The following SIL1 variants were observed in gnomAD, a reference collection of about 807,000 sequenced individuals.
SIL1 encodes the protein nucleotide exchange factor SIL1.
SIL1 carries 40 observed loss-of-function variants against 49.1 expected under a neutral mutation model. That is an observed-to-expected ratio of 0.81 (90% confidence interval 0.63 to 1.06). The LOEUF (loss-of-function observed/expected upper bound fraction) is 1.06. Among genes scored for constraint, SIL1 ranks in the 50% least tolerant of loss-of-function variants. The pLI, the probability that SIL1 is intolerant of heterozygous loss-of-function variation, is 0.00. For synonymous variants in SIL1, 253 were observed against 250.8 expected (o/e 1.01, Z -0.08); for missense variants, 500 against 572.6 (o/e 0.87, Z 1.29).
intron 1 of SIL1, among the ~76,000 whole-genome samples, chr5:139,147,515 T>C (rs760838242): frequency 6.6e-5 from 10 of 152,202 alleles, no homozygotes; most frequent in Admixed American, 1.3e-4. Flanking sequence ...CCAACCCTGA[T>C]TGGCATAGCA....
At chr5:138,978,102 T>C (rs940704892) in intron 7 of SIL1, among the ~76,000 whole-genome samples, 1 of 152,214 alleles carries the variant, frequency 6.6e-6, no homozygotes, top group Admixed American at 6.5e-5. Context: ...AATTCACCCA[T>C]TTAAAGTGTA....
Position 138,973,828 on chromosome 5 carries a change from T to TC in SIL1, c.768-21945dup, listed in dbSNP as rs539520772. 6.6e-5 allele frequency among the ~76,000 whole-genome samples: 10 copies of TC among 152,180 alleles called. No individual in the cohort carries two copies. The South Asian group carries it at 2.1e-3, about 32-fold the overall frequency. On this transcript the variant is annotated intron_variant, in intron 7 of 9. Coordinates refer to ENST00000394817, the MANE Select transcript of SIL1 (RefSeq NM_022464.5). ...CTCAAACTCCAGGCTCAAGTGATCC[T>TC]CCTGCCTCAGCCTCCCAAAGTTCTA... is the stretch of plus-strand genomic sequence containing the variant.
At chr5:139,018,544 C>T (rs1199875807) in intron 7 of SIL1, among the ~76,000 whole-genome samples, 7 of 136,080 alleles carry the variant, frequency 5.1e-5, no homozygotes, top group East Asian at 4.5e-4. Flanking sequence ...GAGCCAAGAT[C>T]GGGCCACTGT....
chr5:138,991,464 C>T (rs979347486), intron 7 of SIL1, among the ~76,000 whole-genome samples: 8 of 152,228 alleles, frequency 5.3e-5, no homozygotes, highest in African/African-American at 1.9e-4. Context: ...CACATGACAG[C>T]CTCTTTTACT....
intron 3 of SIL1, among the ~76,000 whole-genome samples, chr5:139,053,880 T>C (rs1319877359): frequency 6.6e-6 from 1 of 152,210 alleles, no homozygotes; most frequent in Non-Finnish European, 1.5e-5. Context: ...CTCACCACAA[T>C]CAGTAATTAC....
intron 1 of SIL1, among the ~76,000 whole-genome samples, chr5:139,147,921 T>G (rs1490909870): frequency 6.6e-6 from 1 of 152,046 alleles, no homozygotes; most frequent in Non-Finnish European, 1.5e-5. Context: ...TGGCAGGATG[T>G]GGAAGGGGAG....
At chr5:139,027,668 T>G (rs1768690521) in intron 5 of SIL1, among the ~76,000 whole-genome samples, 1 of 152,216 alleles carries the variant, frequency 6.6e-6, no homozygotes, top group Non-Finnish European at 1.5e-5. Context: ...TGAAGTTACA[T>G]TAGAGGTGAA....
Position 139,174,615 on chromosome 5 carries a change from G to A in SIL1, c.-11+23654C>T, listed in dbSNP as rs144560371. On this transcript the variant is annotated intron_variant, in intron 1 of 9. Transcript: ENST00000394817. ...GCCCAGGAGTTTGAGACCAGCCTGG[G>A]CAGTACAGCAAGACCCCATTTCAAA... Among the ~76,000 whole-genome samples, 14 of 151,872 alleles carry A rather than the reference G, an allele frequency of 9.2e-5. No homozygotes were observed. The East Asian group carries it at 2.7e-3, about 29-fold the overall frequency.
intron 8 of SIL1, 125 bp downstream of exon 8, chr5:138,951,662 CT>C: frequency 2.1e-6 from 2 of 938,934 alleles, no homozygotes; most frequent in Non-Finnish European, 3.4e-6. Flanking sequence ...ACTTCTCCCC[CT>C]GTGCCACCCA....
chr5:139,170,006 A>G lies in SIL1; in HGVS notation c.-11+28263T>C, dbSNP rs371265615. On this transcript the variant is annotated intron_variant, in intron 1 of 9. Transcript: ENST00000394817. ...CTCAGCCTGCCAAGTGCCTGCGATT[A>G]CAGGCGCGTGCTGCCACGCCTGACT... Among the ~76,000 whole-genome samples, 41 of 152,148 alleles carry G rather than the reference A, an allele frequency of 2.7e-4. No homozygotes were observed. The East Asian group carries it at 7.0e-3, about 26-fold the overall frequency.
chr5:139,164,383 T>C (rs1751576798), intron 1 of SIL1, among the ~76,000 whole-genome samples: 1 of 152,074 alleles, frequency 6.6e-6, no homozygotes, highest in African/African-American at 2.4e-5. Flanking sequence ...TTCTCTCTAC[T>C]TGAAGGAGCC....
intron 5 of SIL1, among the ~76,000 whole-genome samples, chr5:139,039,008 A>C (rs1236403282): frequency 6.6e-6 from 1 of 152,208 alleles, no homozygotes; most frequent in Admixed American, 6.5e-5. Flanking sequence ...CCACTCCAGC[A>C]GGATAAACAG....
intron 1 of SIL1, among the ~76,000 whole-genome samples, chr5:139,159,172 C>A (rs1751460510): frequency 6.6e-6 from 1 of 152,082 alleles, no homozygotes; most frequent in Non-Finnish European, 1.5e-5. Context: ...AAATTCTACC[C>A]AAATCACTAG....
intron 7 of SIL1, among the ~76,000 whole-genome samples, chr5:138,989,604 A>G (rs1478242463): frequency 6.6e-6 from 1 of 152,168 alleles, no homozygotes; most frequent in Non-Finnish European, 1.5e-5. Context: ...AGGGAGGGGA[A>G]GAAGGCTGGA....
chr5:139,019,076 C>A (rs1215395117), intron 7 of SIL1, among the ~76,000 whole-genome samples: 1 of 152,232 alleles, frequency 6.6e-6, no homozygotes, highest in African/African-American at 2.4e-5. Context: ...CTTCTAGATA[C>A]TATCCCCAGT....
chr5:139,082,453 A>G (rs1332021811), intron 3 of SIL1, among the ~76,000 whole-genome samples: 1 of 152,226 alleles, frequency 6.6e-6, no homozygotes, highest in Non-Finnish European at 1.5e-5. Context: ...ACAAAATAGG[A>G]AAGTCTCTCC....
Position 139,021,211 on chromosome 5 carries a change from T to C in SIL1, c.727A>G (p.Lys243Glu). 1.2e-6 allele frequency: 2 copies of C among 1,614,132 alleles called. No homozygotes were observed. The highest frequency in any genetic ancestry group is 1.7e-6 in the Non-Finnish European group (2 of 1,180,022). The change falls in exon 7 of 10, where the codon AAG (lysine) becomes GAG (glutamate). Residue 243 changes from lysine (K) to glutamate (E), a missense_variant. Transcript: ENST00000394817. ...NGLNSTEPLVKEYAAFVLGAA... is the reference protein window; with the variant it reads ...NGLNSTEPLVEEYAAFVLGAA... ...CCCAGCACAAACGCAGCATACTCCT[T>C]CACGAGGGGCTCTGTGCTGTTCAGC...
At chr5:139,042,814 G>A (rs762597635) in intron 4 of SIL1, 95 bp from the exon 5 acceptor site, 545 of 1,082,006 alleles carry the variant, frequency 5.0e-4, no homozygotes, top group Non-Finnish European at 6.4e-4. Context: ...AAGATGGAAG[G>A]ATACCAAGAT....
intron 1 of SIL1, among the ~76,000 whole-genome samples, chr5:139,196,863 C>A (rs1320971311): frequency 1.3e-5 from 2 of 152,156 alleles, no homozygotes; most frequent in Non-Finnish European, 2.9e-5. Flanking sequence ...CAAAATCCTA[C>A]CCAATCCCCA....
Sources: allele counts gnomAD v4.1 joint callset (sites outside exome capture counted in the v4.1 genomes callset), GRCh38; gene constraint gnomAD v4.1.1; transcripts MANE v1.5; gene names NCBI Gene and HGNC (gene_info 2026-07-23, HGNC 2026-07-21).